Variants in SCML4 observed in about 807,000 individuals in gnomAD.
SCML4 encodes Scm polycomb group protein like 4.
Under a neutral mutation model 41.1 loss-of-function variants are expected in SCML4, and 34 were observed. The ratio of observed to expected loss-of-function variants is 0.83; its 90% CI spans 0.63 to 1.10. The LOEUF (loss-of-function observed/expected upper bound fraction) is 1.10, where lower values mean the gene tolerates loss of function less well. Ranked by LOEUF, SCML4 falls within the 50% of genes least tolerant of loss-of-function variation. SCML4 has a pLI of 0.00. For missense variants in SCML4, 522 were observed against 534.1 expected (o/e 0.98, Z 0.22); for synonymous variants, 214 against 220.9 (o/e 0.97, Z 0.28).
chr6:107,743,727 G>A (rs990268559), intron 5 of SCML4, among the ~76,000 whole-genome samples: 2 of 152,168 alleles, frequency 1.3e-5, no homozygotes, highest in South Asian at 4.2e-4. Flanking sequence ...ATTTAATTAG[G>A]TACCTTCCTT....
intron 1 of SCML4, among the ~76,000 whole-genome samples, chr6:107,818,592 C>G (rs1784721070): frequency 6.6e-6 from 1 of 152,196 alleles, no homozygotes; most frequent in Non-Finnish European, 1.5e-5. Flanking sequence ...TGGAAGGCCA[C>G]AAAGAATGAG....
intron 4 of SCML4, chr6:107,745,833 A>G (rs1349132455): frequency 6.6e-6 from 1 of 152,098 alleles, no homozygotes; most frequent in African/African-American, 2.4e-5. Flanking sequence ...TCTACAAAAA[A>G]TTGTAAAAAA....
chr6:107,843,955 AG>A, the SCML4 span, among the ~76,000 whole-genome samples: 1 of 151,026 alleles, frequency 6.6e-6, no homozygotes, highest in Non-Finnish European at 1.5e-5. Context: ...GAGAGAGAGA[AG>A]CAAAACAAAG....
intron 1 of SCML4, among the ~76,000 whole-genome samples, chr6:107,810,625 T>G (rs895552962): frequency 5.9e-5 from 9 of 152,136 alleles, no homozygotes; most frequent in African/African-American, 2.2e-4. Flanking sequence ...AAACTGTAGA[T>G]GTTTGGTAAG....
Position 107,786,853 on chromosome 6 carries a change from A to C in SCML4, c.-59-14467T>G, listed in dbSNP as rs923549027. On this transcript the variant is annotated intron_variant, in intron 1 of 7. Coordinates refer to ENST00000369020, the MANE Select transcript of SCML4 (RefSeq NM_198081.5). ...CACTTTCCAACAACAAGGCCACTGC[A>C]ATAAGACGCAGAGCATCCCATGCTG... is the stretch of plus-strand genomic sequence containing the variant. Among the ~76,000 whole-genome samples the C allele has an allele frequency of 4.6e-5, 7 of 152,238 alleles. No individual in the cohort carries two copies. In the East Asian group the frequency reaches 1.3e-3, roughly 29 times the overall value.
chr6:107,792,451 G>A (rs1782400610), intron 1 of SCML4, among the ~76,000 whole-genome samples: 1 of 152,172 alleles, frequency 6.6e-6, no homozygotes, highest in Admixed American at 6.5e-5. Context: ...GTAAAAGGGG[G>A]CCGGGCGTTG....
intron 5 of SCML4, among the ~76,000 whole-genome samples, chr6:107,732,922 A>G (rs1306038783): frequency 1.3e-5 from 2 of 152,226 alleles, no homozygotes; most frequent in Non-Finnish European, 2.9e-5. Context: ...CTAAATGGAC[A>G]TCTCGACTTT....
In SCML4 at chr6:107,707,854, C is replaced by T; in HGVS notation, c.1119+12G>A. 2 of 1,551,724 alleles carry T rather than the reference C, an allele frequency of 1.3e-6. No individual in the cohort carries two copies. The highest frequency in any genetic ancestry group is 1.7e-4 in the Middle Eastern group (1 of 5,992). ...TCAATCCCCCCCAAGGTCAAACCCA[C>T]CACTCGCATACGTGCTTTCTGAAGA... is the stretch of plus-strand genomic sequence containing the variant. On this transcript the variant is annotated intron_variant, in intron 7 of 7. Transcript: ENST00000369020.
At position 107,746,742 on chromosome 6, in the gene SCML4, T is replaced by G; in HGVS notation, c.434A>C (p.Gln145Pro). The G allele has an allele frequency of 6.2e-7, 1 of 1,614,154 alleles. No individual in the cohort carries two copies. The highest frequency in any genetic ancestry group is 1.1e-5 in the South Asian group (1 of 91,080). Residue 145 changes from glutamine to proline, a missense_variant, in exon 4 of 8, where the codon CAG (glutamine) becomes CCG (proline). By Grantham distance (76) the Gln-to-Pro change is moderately conservative. Transcript: ENST00000369020. ...VQACIDCAHQ[Q>P]KLVFSLVKQG... ...CTTGACCAGGGAGAAGACCAGCTTCTGCTGGTGGGCGCAGTCGATGCAGGC... is the reference window on the plus strand; with the variant it reads ...CTTGACCAGGGAGAAGACCAGCTTCGGCTGGTGGGCGCAGTCGATGCAGGC...
At chr6:107,746,388 T>G in intron 4 of SCML4, 4 of 365,022 alleles carry the variant, frequency 1.1e-5, no homozygotes, top group South Asian at 6.4e-5. Context: ...AGCGAAAGGA[T>G]TCTGGATATA....
chr6:107,782,480 A>G (rs2114597335), intron 1 of SCML4, among the ~76,000 whole-genome samples: 1 of 152,324 alleles, frequency 6.6e-6, no homozygotes, highest in East Asian at 1.9e-4. Flanking sequence ...TCCCACATTA[A>G]CAGGCCTTAC....
intron 1 of SCML4, among the ~76,000 whole-genome samples, chr6:107,778,325 A>C (rs1199198767): frequency 1.4e-5 from 2 of 144,606 alleles, no homozygotes; most frequent in African/African-American, 5.2e-5. Flanking sequence ...TTCTGCTTTC[A>C]ATTGTGGACT....
At chr6:107,772,461 G>A in intron 1 of SCML4, 75 bp from the exon 2 acceptor site, 6 of 840,664 alleles carry the variant, frequency 7.1e-6, no homozygotes. Context: ...ACATGATCCT[G>A]TCTGGTGATT....
upstream of SCML4, among the ~76,000 whole-genome samples, chr6:107,827,241 AATATATTTACATTTTTATTTAAAT>A (rs1456938147): frequency 3.9e-3 from 578 of 146,762 alleles, 4 homozygotes; most frequent in Middle Eastern, 7.2e-3. Context: ...TTTTTATTTA[AATATATTTACATTTTTATTTAAAT>A]ATATATTTAC....
intron 5 of SCML4, among the ~76,000 whole-genome samples, chr6:107,727,758 G>A (rs181992593): frequency 4.6e-5 from 7 of 152,358 alleles, no homozygotes; most frequent in African/African-American, 1.4e-4. Context: ...TGGAGTGAGG[G>A]AAAGGAAAAC....
At chr6:107,772,478 A>G (rs1184861898) in intron 1 of SCML4, 92 bp from the exon 2 acceptor site, 1 of 675,286 alleles carries the variant, frequency 1.5e-6, no homozygotes, top group African/African-American at 1.8e-5. Context: ...GATTTTGGCG[A>G]TACCTACCAC....
intron 6 of SCML4, chr6:107,720,401 C>A: frequency 3.7e-6 from 4 of 1,069,082 alleles, no homozygotes; most frequent in Non-Finnish European, 4.5e-6. Flanking sequence ...ATCCATGAAT[C>A]AGGAACATTC....
chr6:107,759,926 T>C (rs1017333889), intron 2 of SCML4, among the ~76,000 whole-genome samples: 3 of 152,270 alleles, frequency 2.0e-5, no homozygotes, highest in Admixed American at 6.5e-5. Context: ...AGATAACAAA[T>C]GACACGCTAG....
chr6:107,776,489 C>T (rs1780960236), intron 1 of SCML4, among the ~76,000 whole-genome samples: 1 of 152,132 alleles, frequency 6.6e-6, no homozygotes, highest in Non-Finnish European at 1.5e-5. Context: ...AAAGATTCTG[C>T]ACTTTATTGC....
Sources: allele counts gnomAD v4.1 joint callset (sites outside exome capture counted in the v4.1 genomes callset), GRCh38; gene constraint gnomAD v4.1.1; transcripts MANE v1.5; gene names NCBI Gene and HGNC (gene_info 2026-07-23, HGNC 2026-07-21).